WWOX: variants seen among roughly 807,000 people sequenced by gnomAD.
The protein encoded by WWOX is WW domain-containing oxidoreductase.
Under a neutral mutation model 46.2 loss-of-function variants are expected in WWOX, and 69 were observed. The observed-to-expected ratio is 1.49, with a 90% CI of 1.23 to 1.82. WWOX has a LOEUF of 1.82. WWOX is among the 40% of genes most tolerant of loss of function. The pLI, the probability that WWOX is intolerant of heterozygous loss-of-function variation, is 0.00. For missense variants in WWOX, 919 were observed against 542.6 expected (o/e 1.69, Z -6.89); for synonymous variants, 359 against 202.6 (o/e 1.77, Z -6.56).
chr16:79,096,428 C>G (rs922274112), intron 8 of WWOX, among the ~76,000 whole-genome samples: 2 of 152,208 alleles, frequency 1.3e-5, no homozygotes, highest in South Asian at 2.1e-4. Context: ...TGGGTTCCAG[C>G]TGTGCGGGCC....
rs554433375 is a variant in WWOX at position 79,008,544 on chromosome 16, CCTGACTACCATAGTCTGTGAAAT to C, written c.1057-203062_1057-203040del. Among the ~76,000 whole-genome samples, 279 of 152,244 alleles carry C rather than the reference CCTGACTACCATAGTCTGTGAAAT, an allele frequency of 1.8e-3. 1 individual carries two copies. Among genetic ancestry groups the C allele is most frequent in the African/African-American group, 6.0e-3 (250 of 41,542 alleles). On this transcript the variant is annotated intron_variant, in intron 8 of 8. Coordinates refer to ENST00000566780, the MANE Select transcript of WWOX (RefSeq NM_016373.4). ...GGAAGTCTTGGGGGCCATCTTGAAT[CCTGACTACCATAGTCTGTGAAAT>C]CCCCATTTCACAGATGTTGAAACTG... is the stretch of plus-strand genomic sequence containing the variant.
In WWOX at chr16:78,752,795, C is replaced by T. The variant is rs1021290270; in HGVS notation, c.1056+320043C>T. Among the ~76,000 whole-genome samples, 5 of 152,308 alleles carry T rather than the reference C, an allele frequency of 3.3e-5. No homozygotes were observed. In the East Asian group the frequency reaches 9.7e-4, roughly 29 times the overall value. ...ATAAGTAGTCTCCAATAAATTTAAT[C>T]ACATAATTACTTAAATGGCCTGGCG... On this transcript the variant is annotated intron_variant, in intron 8 of 8. Transcript: ENST00000566780.
intron 8 of WWOX, among the ~76,000 whole-genome samples, chr16:78,517,455 G>A (rs565272970): frequency 6.6e-6 from 1 of 152,124 alleles, no homozygotes. Flanking sequence ...TGTCTTGTTC[G>A]ACGCTTCGCA....
intron 6 of WWOX, among the ~76,000 whole-genome samples, chr16:78,391,321 C>G (rs1188771208): frequency 6.6e-6 from 1 of 152,192 alleles, no homozygotes; most frequent in Non-Finnish European, 1.5e-5. Flanking sequence ...TACATGTATT[C>G]TGTCTGTAGT....
chr16:78,998,785 C>G (rs1403533541), intron 8 of WWOX, among the ~76,000 whole-genome samples: 3 of 152,178 alleles, frequency 2.0e-5, no homozygotes, highest in African/African-American at 7.2e-5. Context: ...CTTGAAAGTG[C>G]CAGTCTGATC....
At chr16:78,656,790 A>G (rs1394526996) in intron 8 of WWOX, among the ~76,000 whole-genome samples, 2 of 152,234 alleles carry the variant, frequency 1.3e-5, no homozygotes, top group Non-Finnish European at 2.9e-5. Context: ...AAGCGCCACA[A>G]TCCTTAGGCA....
rs2043850918 is a variant in WWOX, at chr16:78,540,006, TC to T, written c.1056+107255del. Among the ~76,000 whole-genome samples the T allele has an allele frequency of 4.2e-5, 5 of 119,732 alleles. No individual in the cohort carries two copies. In the South Asian group the frequency reaches 1.4e-3, roughly 33 times the overall value. 78.5% of individuals were successfully genotyped at this position (119,732 alleles called of 152,430 possible). A position where few individuals can be genotyped will look rare whatever the true frequency, so the allele number is the denominator to read the frequency against. Reference sequence around the variant, plus strand: ...ACATCTCTCTCTCTCTTTCTCTCTCTCTCTCTCTCTCTCTCACACACACACA... The same window carrying T: ...ACATCTCTCTCTCTCTTTCTCTCTCTTCTCTCTCTCTCTCACACACACACA... On this transcript the variant is annotated intron_variant, in intron 8 of 8. Transcript: ENST00000566780.
chr16:78,121,754 C>T (rs1019450498), intron 4 of WWOX, among the ~76,000 whole-genome samples: 4 of 151,906 alleles, frequency 2.6e-5, no homozygotes, highest in Non-Finnish European at 5.9e-5. Context: ...CTTTGTCTCC[C>T]AGGGCCTGGT....
intron 8 of WWOX, among the ~76,000 whole-genome samples, chr16:78,924,217 T>G (rs2045446642): frequency 6.6e-6 from 1 of 152,186 alleles, no homozygotes; most frequent in East Asian, 1.9e-4. Flanking sequence ...AAGCTTGGTC[T>G]TGAAGCTGTG....
chr16:78,716,672 T>C (rs2048569211), intron 8 of WWOX, among the ~76,000 whole-genome samples: 2 of 151,746 alleles, frequency 1.3e-5, no homozygotes, highest in Admixed American at 1.3e-4. Flanking sequence ...TTGGGTGACA[T>C]CACACCCAAG....
At chr16:78,491,346 C>G (rs1409341617) in intron 8 of WWOX, among the ~76,000 whole-genome samples, 1 of 152,176 alleles carries the variant, frequency 6.6e-6, no homozygotes, top group Non-Finnish European at 1.5e-5. Context: ...AGTTTTATTC[C>G]CTGTTTAACC....
At chr16:79,039,368 A>T (rs145073586) in intron 8 of WWOX, among the ~76,000 whole-genome samples, 245 of 152,204 alleles carry the variant, frequency 1.6e-3, no homozygotes, top group Middle Eastern at 3.4e-3. Context: ...ACTAAGTGGG[A>T]CCAGGCCGAA....
At chr16:78,210,877 A>T (rs1037814229) in intron 5 of WWOX, among the ~76,000 whole-genome samples, 2 of 152,196 alleles carry the variant, frequency 1.3e-5, no homozygotes, top group African/African-American at 4.8e-5. Context: ...TTTTGTAGTT[A>T]ATCTATCCTA....
intron 2 of WWOX, among the ~76,000 whole-genome samples, chr16:78,109,573 G>A (rs1024291110): frequency 2.6e-5 from 4 of 152,038 alleles, no homozygotes; most frequent in African/African-American, 9.7e-5. Context: ...AAAACAAGAG[G>A]CAAAAATGTG....
intron 5 of WWOX, among the ~76,000 whole-genome samples, chr16:78,316,622 C>T (rs1308652893): frequency 2.0e-5 from 3 of 152,102 alleles, no homozygotes; most frequent in African/African-American, 7.2e-5. Flanking sequence ...GGATTATAGG[C>T]CTGAGCCACG....
chr16:78,700,080 A>G (rs1277565139), intron 8 of WWOX, among the ~76,000 whole-genome samples: 1 of 151,838 alleles, frequency 6.6e-6, no homozygotes, highest in African/African-American at 2.4e-5. Flanking sequence ...TCAGTAAGAG[A>G]TACTGTCCTA....
chr16:78,955,923 C>T (rs928380546), intron 8 of WWOX, among the ~76,000 whole-genome samples: 2 of 151,712 alleles, frequency 1.3e-5, no homozygotes, highest in East Asian at 3.9e-4. Context: ...GCTGAGATTA[C>T]ATGCATGAGC....
intron 8 of WWOX, among the ~76,000 whole-genome samples, chr16:78,797,031 G>A (rs2050757234): frequency 1.3e-5 from 2 of 151,880 alleles, no homozygotes; most frequent in South Asian, 4.2e-4. Context: ...TCACCATGTT[G>A]GCCAGTCTGG....
rs187921352 is a variant in WWOX at position 79,149,041 on chromosome 16, T to C, written c.1057-62567T>C. 5.3e-3 allele frequency among the ~76,000 whole-genome samples: 809 copies of C among 152,060 alleles called. 12 individuals are homozygous for C. Among genetic ancestry groups the C allele is most frequent in the African/African-American group, 0.019 (767 of 41,324 alleles). ...TGTGTGCCCTTTTTTTATTGCCTTA[T>C]TGTAGTGGCTAGAACTTCCTGTGCT... On this transcript the variant is annotated intron_variant, in intron 8 of 8. Coordinates refer to ENST00000566780, the MANE Select transcript of WWOX (RefSeq NM_016373.4).
Sources: gnomAD v4.1 joint callset for allele counts (sites outside exome capture counted in the v4.1 genomes callset) on GRCh38, gnomAD v4.1.1 for gene constraint, MANE v1.5 for transcripts, NCBI Gene and HGNC (gene_info 2026-07-23, HGNC 2026-07-21) for gene names.